SENP7: variants seen among roughly 807,000 people sequenced by gnomAD.
SENP7 encodes SUMO specific peptidase 7.
A neutral mutation model predicts 141.2 loss-of-function variants in SENP7; 64 were observed. The ratio of observed to expected loss-of-function variants is 0.45; its 90% CI spans 0.37 to 0.56. The LOEUF (loss-of-function observed/expected upper bound fraction) is 0.56. Ranked by LOEUF, SENP7 falls within the 20% of genes least tolerant of loss-of-function variation. SENP7 has a pLI of 0.00. For missense variants in SENP7, 1,025 were observed against 1,212.2 expected (o/e 0.85, Z 2.29); for synonymous variants, 382 against 426.4 (o/e 0.90, Z 1.28).
At chr3:101,505,477 C>G (rs2065564262) in intron 1 of SENP7, among the ~76,000 whole-genome samples, 1 of 152,092 alleles carries the variant, frequency 6.6e-6, no homozygotes, top group South Asian at 2.1e-4. Context: ...CCCCTATTTC[C>G]TTTCATTAAT....
chr3:101,367,850 C>A lies in SENP7; in HGVS notation c.958G>T (p.Asp320Tyr). The stretch of plus-strand genomic sequence containing the variant: ...CTTACTGTCTGTTCTGTTGACTTAT[C>A]CAAAGAAGTACAATATTGAGAATCA... ...LPDSQYCTSL[D>Y]KSTEQTKKQE... is the part of the protein sequence containing the mutation. The change falls in exon 8 of 24, where the codon GAT becomes TAT. Residue 320 changes from aspartate to tyrosine, a missense_variant. Asp to Tyr is a radical substitution (Grantham distance 160). Around this residue, in one of 4 missense-constraint regions of SENP7, gnomAD observed 496 missense variants for 503.5 expected, o/e 0.99. Transcript: ENST00000394095. The A allele has an allele frequency of 1.2e-6, 2 of 1,601,408 alleles. No individual in the cohort carries two copies. Among genetic ancestry groups the A allele is most frequent in the Non-Finnish European group, 1.7e-6 (2 of 1,170,314 alleles).
intron 6 of SENP7, among the ~76,000 whole-genome samples, chr3:101,384,061 C>T (rs530254328): frequency 6.6e-6 from 1 of 152,256 alleles, no homozygotes; most frequent in Non-Finnish European, 1.5e-5. Context: ...TCAGGACTAC[C>T]TGCCTGCAGA....
At chr3:101,444,562 A>G (rs2062811343) in intron 4 of SENP7, among the ~76,000 whole-genome samples, 1 of 152,170 alleles carries the variant, frequency 6.6e-6, no homozygotes, top group Admixed American at 6.5e-5. Flanking sequence ...CTATGCAGCC[A>G]TAAAAAATGA....
chr3:101,357,595 C>T (rs934404743), intron 11 of SENP7: 10 of 1,134,924 alleles, frequency 8.8e-6, no homozygotes, highest in Admixed American at 6.4e-5. Flanking sequence ...TTAAAAAAAG[C>T]TGTAAAAGTG....
intron 4 of SENP7, among the ~76,000 whole-genome samples, chr3:101,456,051 T>G (rs188659213): frequency 8.1e-4 from 124 of 152,278 alleles, no homozygotes; most frequent in African/African-American, 2.7e-3. Context: ...TTTTTTAAAT[T>G]CCACTTTTTA....
At chr3:101,432,275 A>G (rs377378609) in intron 4 of SENP7, among the ~76,000 whole-genome samples, 61 of 152,300 alleles carry the variant, frequency 4.0e-4, no homozygotes, top group Non-Finnish European at 6.3e-4. Context: ...CCATAATACA[A>G]TAGAACACTA....
intron 1 of SENP7, among the ~76,000 whole-genome samples, chr3:101,509,584 A>T (rs1489418011): frequency 6.6e-6 from 1 of 152,228 alleles, no homozygotes; most frequent in East Asian, 1.9e-4. Context: ...TTTTGTGGGC[A>T]ATTCCATTCA....
intron 5 of SENP7, among the ~76,000 whole-genome samples, chr3:101,416,387 G>C (rs1474540605): frequency 6.6e-6 from 1 of 152,196 alleles, no homozygotes; most frequent in East Asian, 1.9e-4. Flanking sequence ...TGAGGCGATT[G>C]ATGAGTTTGT....
At chr3:101,478,186 G>C (rs1400928988) in intron 3 of SENP7, among the ~76,000 whole-genome samples, 4 of 152,060 alleles carry the variant, frequency 2.6e-5, no homozygotes, top group Non-Finnish European at 5.9e-5. Flanking sequence ...GAACCAGAAA[G>C]AAACAGAAAC....
At chr3:101,412,010 G>T (rs923143355) in intron 5 of SENP7, among the ~76,000 whole-genome samples, 4 of 152,028 alleles carry the variant, frequency 2.6e-5, no homozygotes, top group Non-Finnish European at 5.9e-5. Flanking sequence ...CAAACTACAG[G>T]TTCCTTCCTT....
chr3:101,408,160 C>A (rs1056162968), intron 5 of SENP7, among the ~76,000 whole-genome samples: 7 of 152,070 alleles, frequency 4.6e-5, no homozygotes, highest in Non-Finnish European at 7.4e-5. Context: ...CACCTTTATA[C>A]TCATAAACTA....
At chr3:101,330,415 G>A (rs367868679) in intron 19 of SENP7, 29 bp from the exon 20 acceptor site, 1 of 1,500,410 alleles carries the variant, frequency 6.7e-7, no homozygotes, top group African/African-American at 1.4e-5. Flanking sequence ...GCAGTTATGA[G>A]TGTTTATTGC....
chr3:101,328,535 A>G lies in SENP7; in HGVS notation c.2807T>C (p.Leu936Pro). 6.2e-7 allele frequency: 1 copy of G among 1,612,504 alleles called. No individual in the cohort carries two copies. The highest frequency in any genetic ancestry group is 8.5e-7 in the Non-Finnish European group (1 of 1,178,976). Residue 936 changes from leucine to proline, a missense_variant, in exon 22 of 24, where the codon CTT (leucine) becomes CCT (proline). By Grantham distance (98) the Leu-to-Pro change is moderately conservative (BLOSUM62 -3). Around this residue, in one of 4 missense-constraint regions of SENP7, gnomAD observed 295 missense variants for 459.1 expected, o/e 0.64. Coordinates refer to ENST00000394095, the MANE Select transcript of SENP7 (RefSeq NM_020654.5). The part of the protein sequence containing the change: ...PKKMCKRPCI[L>P]ILDSLKAASV... The stretch of plus-strand genomic sequence containing the variant: ...AGCAGCTTTCAAGGAGTCTAGTATA[A>G]GAATACATGGCCTATGAAAAGCAAA...
rs75023006 is a variant in SENP7, at chr3:101,511,436, T to G, written c.40+1655A>C. Among the ~76,000 whole-genome samples the G allele has an allele frequency of 1.3e-3, 205 of 152,320 alleles. 1 individual carries two copies. The East Asian group carries it at 0.028, about 21-fold the overall frequency. On this transcript the variant is annotated intron_variant, in intron 1 of 23. Coordinates refer to ENST00000394095, the MANE Select transcript of SENP7 (RefSeq NM_020654.5). ...AGATATGATCACACCTAAAGTTCTG[T>G]GTTAGGAAGCCCGCAAATGACACCA... is the stretch of plus-strand genomic sequence containing the variant.
At chr3:101,402,616 CAAAA>C (rs58525002) in intron 5 of SENP7, among the ~76,000 whole-genome samples, 1 of 93,674 alleles carries the variant, frequency 1.1e-5, no homozygotes, top group African/African-American at 4.3e-5. Context: ...GACTCCGTCT[CAAAA>C]AAAAAAAAAA....
At chr3:101,505,089 A>T (rs1196768777) in intron 1 of SENP7, among the ~76,000 whole-genome samples, 1 of 152,206 alleles carries the variant, frequency 6.6e-6, no homozygotes, top group African/African-American at 2.4e-5. Flanking sequence ...AAGAAAAAAA[A>T]AGAACTCAGA....
intron 6 of SENP7, 137 bp downstream of exon 6, chr3:101,398,724 A>C: frequency 5.1e-4 from 275 of 543,874 alleles, no homozygotes; most frequent in Non-Finnish European, 6.6e-4. Context: ...CATTCCAGCC[A>C]CCCGGGGAGA....
chr3:101,438,542 A>C (rs1456474434), intron 4 of SENP7, among the ~76,000 whole-genome samples: 1 of 152,218 alleles, frequency 6.6e-6, no homozygotes, highest in East Asian at 1.9e-4. Context: ...TAAACTGTAC[A>C]ATTAAAAATG....
intron 23 of SENP7, among the ~76,000 whole-genome samples, chr3:101,327,077 T>C (rs1436656076): frequency 6.6e-6 from 1 of 152,138 alleles, no homozygotes; most frequent in Non-Finnish European, 1.5e-5. Context: ...TGTTTCATCT[T>C]TGGCTTTATC....
Sources: allele counts gnomAD v4.1 joint callset (sites outside exome capture counted in the v4.1 genomes callset), GRCh38; gene constraint gnomAD v4.1.1; regional missense constraint gnomAD v4.1.1; transcripts MANE v1.5; gene names NCBI Gene and HGNC (gene_info 2026-07-23, HGNC 2026-07-21).